The following SNRNP200 variants were observed in gnomAD, a reference collection of about 807,000 sequenced individuals.
The protein encoded by SNRNP200 is U5 small nuclear ribonucleoprotein 200 kDa helicase.
A neutral mutation model predicts 255.2 loss-of-function variants in SNRNP200; 66 were observed. The ratio of observed to expected loss-of-function variants is 0.26; its 90% CI spans 0.21 to 0.32. The LOEUF is 0.32. Among genes scored for constraint, SNRNP200 ranks in the 10% least tolerant of loss-of-function variants. The probability of loss-of-function intolerance (pLI) is 1.00; values close to 1 mark genes in which losing one functional copy is unlikely to be tolerated. For synonymous variants in SNRNP200, 939 were observed against 1,027.8 expected (o/e 0.91, Z 1.65); for missense variants, 1,585 against 2,749.8 (o/e 0.58, Z 9.47).
At chr2:96,275,954 C>T (rs1235952333) in intron 43 of SNRNP200, among the ~76,000 whole-genome samples, 5 of 152,108 alleles carry the variant, frequency 3.3e-5, no homozygotes, top group Non-Finnish European at 7.4e-5. Flanking sequence ...TGCAGTGAGC[C>T]GAGATCGCGC....
Position 96,290,573 on chromosome 2 carries a change from C to T in SNRNP200, c.2554-59G>A, listed in dbSNP as rs536595417. The T allele has an allele frequency of 2.1e-5, 34 of 1,612,540 alleles. No individual in the cohort carries two copies. In the South Asian group the frequency reaches 3.5e-4, roughly 17 times the overall value. On this transcript the variant is annotated intron_variant, in intron 19 of 44. Coordinates refer to ENST00000323853, the MANE Select transcript of SNRNP200 (RefSeq NM_014014.5). The surrounding 1 kb of genome is among the most constrained non-coding windows in gnomAD (Gnocchi z 4.5). ...TCAAGAGAATGTCTGAATTTTGATG[C>T]AGGTATCTACATTACAGAACTAGAC...
At chr2:96,301,312 A>G (rs2063950934) in intron 4 of SNRNP200, among the ~76,000 whole-genome samples, 1 of 152,176 alleles carries the variant, frequency 6.6e-6, no homozygotes, top group Non-Finnish European at 1.5e-5. Flanking sequence ...ACATTTTCTC[A>G]TATTCCACAC....
chr2:96,296,903 C>G, intron 12 of SNRNP200, 30 bp downstream of exon 12: 1 of 1,614,126 alleles, frequency 6.2e-7, no homozygotes, highest in Non-Finnish European at 8.5e-7. Context: ...CCATATTCTA[C>G]AAGAAAACAG....
intron 44 of SNRNP200, 48 bp downstream of exon 44, chr2:96,275,209 C>G: frequency 2.5e-6 from 4 of 1,614,018 alleles, no homozygotes; most frequent in Non-Finnish European, 3.4e-6. Flanking sequence ...AGCATTCTCA[C>G]CCTTCCCCCA....
rs563125482 is a variant in SNRNP200 at position 96,288,441 on chromosome 2, C to T, written c.3258+222G>A. Among the ~76,000 whole-genome samples the T allele has an allele frequency of 7.2e-5, 11 of 152,236 alleles. No individual in the cohort carries two copies. In the East Asian group the frequency reaches 2.1e-3, roughly 29 times the overall value. On this transcript the variant is annotated intron_variant, in intron 24 of 44. Coordinates refer to ENST00000323853, the MANE Select transcript of SNRNP200 (RefSeq NM_014014.5). ...GTCTCTCTGAGGGCCCGTGGAGCCT[C>T]GAAGCATTCCCTCTTAAGGTCTTAC...
intron 24 of SNRNP200, among the ~76,000 whole-genome samples, chr2:96,288,431 C>A (rs371847796): frequency 1.3e-5 from 2 of 152,164 alleles, no homozygotes; most frequent in South Asian, 2.1e-4. Flanking sequence ...TCTGAGGGCC[C>A]GTGGAGCCTC....
At chr2:96,304,653 A>C in intron 2 of SNRNP200, 52 bp downstream of exon 2, 2 of 1,610,560 alleles carry the variant, frequency 1.2e-6, no homozygotes, top group Admixed American at 1.7e-5. Context: ...CGAATGTTAA[A>C]GGGAAGAGAC....
intron 1 of SNRNP200, 116 bp downstream of exon 1, chr2:96,305,277 T>C (rs1162337275): frequency 2.4e-5 from 32 of 1,342,160 alleles, no homozygotes; most frequent in Admixed American, 8.4e-5. Flanking sequence ...CCCGATTCCA[T>C]TTCCCCTTCG....
intron 12 of SNRNP200, 55 bp from the exon 13 acceptor site, chr2:96,296,746 C>CATGGAAGT: frequency 6.2e-7 from 1 of 1,601,748 alleles, no homozygotes. Context: ...TCTCACTGCC[C>CATGGAAGT]TAACTTCCAT....
chr2:96,287,634 G>T lies in SNRNP200; in HGVS notation c.3366-77C>A. ...ACCACCCACTTCATGGCTTCCAATA[G>T]TTTAGCAGTGACTACACAAAACACA... is the stretch of plus-strand genomic sequence containing the variant. On this transcript the variant is annotated intron_variant, in intron 25 of 44. Transcript: ENST00000323853. This position sits in a 1 kb window ranked among gnomAD's most constrained non-coding sequence, Gnocchi z 5.7. The T allele has an allele frequency of 9.0e-7, 1 of 1,114,286 alleles. No individual in the cohort carries two copies. The highest frequency in any genetic ancestry group is 1.4e-6 in the Non-Finnish European group (1 of 724,406). 69.0% of individuals were successfully genotyped at this position (1,114,286 alleles called of 1,614,324 possible).
At chr2:96,298,170 A>C in intron 9 of SNRNP200, 114 bp downstream of exon 9, 1 of 1,499,442 alleles carries the variant, frequency 6.7e-7, no homozygotes, top group Non-Finnish European at 9.2e-7. Context: ...ACCCCAAAGA[A>C]TTTAGGAAAT....
intron 21 of SNRNP200, 81 bp from the exon 22 acceptor site, chr2:96,289,460 A>G (rs2063869812): frequency 5.3e-6 from 8 of 1,506,666 alleles, no homozygotes; most frequent in Admixed American, 1.7e-5. Context: ...TTACTGTCCT[A>G]TAGGTTTTTT....
Position 96,287,924 on chromosome 2 carries a change from G to C in SNRNP200, c.3304C>G (p.Arg1102Gly). The C allele has an allele frequency of 2.5e-6, 4 of 1,614,164 alleles. No homozygotes were observed. Among genetic ancestry groups the C allele is most frequent in the Non-Finnish European group, 3.4e-6 (4 of 1,180,032 alleles). ...TTGTCTGTAAGCTGTGCCCAACCTC[G>C]GTTCAGGACAATTTCAAATATCGCT... The part of the protein sequence containing the change: ...MRAIFEIVLN[R>G]GWAQLTDKTL... The change falls in exon 25 of 45, where the codon CGA becomes GGA. Residue 1102 changes from arginine (R) to glycine (G), a missense_variant. Transcript: ENST00000323853. The surrounding 1 kb of genome is among the most constrained non-coding windows in gnomAD (Gnocchi z 5.7).
Position 96,287,311 on chromosome 2 carries a change from G to A in SNRNP200, c.3484+128C>T. On this transcript the variant is annotated intron_variant, in intron 26 of 44. Coordinates refer to ENST00000323853, the MANE Select transcript of SNRNP200 (RefSeq NM_014014.5). The surrounding 1 kb of genome is among the most constrained non-coding windows in gnomAD (Gnocchi z 5.7). ...AAGTCCCCAGACCAAGGGCCAGCCT[G>A]TACTTCAGTGGGACTTGGGGAGTGA... 1 of 1,189,550 alleles carries A rather than the reference G, an allele frequency of 8.4e-7. No individual in the cohort carries two copies. The highest frequency in any genetic ancestry group is 1.3e-6 in the Non-Finnish European group (1 of 793,434). 73.7% of individuals were successfully genotyped at this position (1,189,550 alleles called of 1,614,324 possible).
In SNRNP200 at chr2:96,290,208, G is replaced by T. The variant is rs2063875630; in HGVS notation, c.2742+118C>A. On this transcript the variant is annotated intron_variant, in intron 20 of 44. Transcript: ENST00000323853. This position sits in a 1 kb window ranked among gnomAD's most constrained non-coding sequence, Gnocchi z 4.5. ...ACTATCTGCCAGACCCAAGATGTGG[G>T]TGCAGGGATGGAAGGCCTCGGACGC... The T allele has an allele frequency of 4.3e-6, 5 of 1,172,770 alleles. No individual in the cohort carries two copies. Among genetic ancestry groups the T allele is most frequent in the Non-Finnish European group, 5.1e-6 (4 of 779,892 alleles). The allele number at this position is 1,172,770 out of a possible 1,614,324, so 72.6% of individuals were successfully genotyped here.
intron 12 of SNRNP200, 78 bp downstream of exon 12, chr2:96,296,855 G>T (rs970629833): frequency 6.9e-6 from 11 of 1,586,380 alleles, no homozygotes; most frequent in Non-Finnish European, 9.5e-6. Flanking sequence ...GGGGGTGGGG[G>T]TGGAAATAAA....
At chr2:96,275,234 C>G in intron 44 of SNRNP200, 23 bp downstream of exon 44, 1 of 1,614,052 alleles carries the variant, frequency 6.2e-7, no homozygotes, top group Non-Finnish European at 8.5e-7. Flanking sequence ...AGAACAAATG[C>G]TAGGGCCAGT....
chr2:96,302,254 T>C (rs1365954073), intron 3 of SNRNP200, among the ~76,000 whole-genome samples: 1 of 152,182 alleles, frequency 6.6e-6, no homozygotes, highest in Non-Finnish European at 1.5e-5. Flanking sequence ...CATGGAGTTA[T>C]GTAGGGTTGG....
At position 96,281,881 on chromosome 2, in the gene SNRNP200, C is replaced by G; in HGVS notation, c.4957G>C (p.Gly1653Arg). ...ACCAGGTGGGCAGCCACGTTCATGC[C>G]CCAGCAGAGACTCCGAGAAGCCACC... ...VVVASRSLCW[G>R]MNVAAHLVII... Residue 1653 changes from glycine (G) to arginine (R), a missense_variant, in exon 35 of 45, where the codon GGC becomes CGC. By Grantham distance (125) the Gly-to-Arg change is moderately radical (BLOSUM62 -2). Coordinates refer to ENST00000323853, the MANE Select transcript of SNRNP200 (RefSeq NM_014014.5). 1 of 1,614,126 alleles carries G rather than the reference C, an allele frequency of 6.2e-7. No homozygotes were observed. Among genetic ancestry groups the G allele is most frequent in the Non-Finnish European group, 8.5e-7 (1 of 1,180,014 alleles).
Sources: gnomAD v4.1 joint callset for allele counts (sites outside exome capture counted in the v4.1 genomes callset) on GRCh38, gnomAD v4.1.1 for gene constraint, Gnocchi (gnomAD v3.1) non-coding constraint, MANE v1.5 for transcripts, NCBI Gene and HGNC (gene_info 2026-07-23, HGNC 2026-07-21) for gene names.